KCNQ3: variants seen among roughly 807,000 people sequenced by gnomAD.
KCNQ3 encodes potassium voltage-gated channel subfamily Q member 3.
A neutral mutation model predicts 92.5 loss-of-function variants in KCNQ3; 30 were observed. The ratio of observed to expected loss-of-function variants is 0.32; its 90% CI spans 0.24 to 0.44. The LOEUF is 0.44. Ranked by LOEUF, KCNQ3 falls within the 20% of genes least tolerant of loss-of-function variation. The pLI is 1.00. For synonymous variants in KCNQ3, 450 were observed against 468.8 expected, an observed-to-expected ratio of 0.96 and a Z score of 0.52; for missense variants, 913 against 1,140.3, an observed-to-expected ratio of 0.80 and a Z score of 2.87.
At chr8:132,298,978 A>G (rs1185649285) in intron 1 of KCNQ3, among the ~76,000 whole-genome samples, 1 of 152,136 alleles carries the variant, frequency 6.6e-6, no homozygotes, top group Non-Finnish European at 1.5e-5. Flanking sequence ...AATTATTTTC[A>G]GGTGGAAATA....
At chr8:132,176,337 G>T (rs1826552272) in intron 4 of KCNQ3, among the ~76,000 whole-genome samples, 1 of 152,160 alleles carries the variant, frequency 6.6e-6, no homozygotes, top group African/African-American at 2.4e-5. Context: ...AAACTTCACT[G>T]AAGTTTCAAA....
chr8:132,303,677 T>TATATATATATATATATATATAC lies in KCNQ3; in HGVS notation c.387-117497_387-117496insGTATATATATATATATATATAT, dbSNP rs376933089. Among the ~76,000 whole-genome samples the TATATATATATATATATATATAC allele has an allele frequency of 8.1e-5, 7 of 85,990 alleles. 2 individuals carry two copies. Among genetic ancestry groups the TATATATATATATATATATATAC allele is most frequent in the African/African-American group, 3.2e-4 (7 of 22,148 alleles). The allele number at this position is 85,990 out of a possible 152,430, so 56.4% of individuals were successfully genotyped here. A position where few individuals can be genotyped will look rare whatever the true frequency, so the allele number is the denominator to read the frequency against. Reference sequence around the variant, plus strand: ...TTTATGGTGTGTGTGTATATATATATACACACACACAGCCACACCACACAC... The same window carrying TATATATATATATATATATATAC: ...TTTATGGTGTGTGTGTATATATATATATATATATATATATATATATACACACACACACAGCCACACCACACAC... On this transcript the variant is annotated intron_variant, in intron 1 of 14. Transcript: ENST00000388996.
At chr8:132,418,796 T>C (rs921798229) in intron 1 of KCNQ3, among the ~76,000 whole-genome samples, 3 of 152,002 alleles carry the variant, frequency 2.0e-5, no homozygotes, top group Non-Finnish European at 4.4e-5. Context: ...AAAAAATAAA[T>C]TAAATAAATT....
rs1824694371 is a variant in KCNQ3 at position 132,127,053 on chromosome 8, C to T, written c.*2209G>A. On this transcript the variant is annotated 3_prime_UTR_variant, in exon 15 of 15. Coordinates refer to ENST00000388996, the MANE Select transcript of KCNQ3 (RefSeq NM_004519.4). ...GGTGATCATCTCAAGTGAAAGATTC[C>T]AGGAAGATCAGGATTCAATAATCAA... 1 of 152,026 alleles carries T rather than the reference C, an allele frequency of 6.6e-6. No homozygotes were observed. Among genetic ancestry groups the T allele is most frequent in the Non-Finnish European group, 1.5e-5 (1 of 68,026 alleles). The allele number at this position is 152,026 out of a possible 1,614,324, so 9.4% of individuals were successfully genotyped here. A position where few individuals can be genotyped will look rare whatever the true frequency, so the allele number is the denominator to read the frequency against.
chr8:132,221,406 GGT>G (rs1563811047), intron 1 of KCNQ3, among the ~76,000 whole-genome samples: 1 of 152,188 alleles, frequency 6.6e-6, no homozygotes, highest in African/African-American at 2.4e-5. Flanking sequence ...CTTCCACAAT[GGT>G]TGAACTAGTT....
At chr8:132,358,494 G>T (rs909425934) in intron 1 of KCNQ3, among the ~76,000 whole-genome samples, 3 of 152,178 alleles carry the variant, frequency 2.0e-5, no homozygotes, top group Non-Finnish European at 4.4e-5. Context: ...GCTGAGACAT[G>T]ACTTTGGCTC....
At chr8:132,302,774 T>G (rs11780080) in intron 1 of KCNQ3, among the ~76,000 whole-genome samples, 77,443 of 151,904 alleles carry the variant, frequency 0.51, 19,946 homozygotes, top group East Asian at 0.68. Context: ...TCATAATGGC[T>G]CTACCTAATT....
At chr8:132,282,866 G>C (rs1251855845) in intron 1 of KCNQ3, among the ~76,000 whole-genome samples, 5 of 152,194 alleles carry the variant, frequency 3.3e-5, no homozygotes, top group Non-Finnish European at 7.3e-5. Context: ...ATGACCACTA[G>C]GGTGCTCAGA....
intron 1 of KCNQ3, among the ~76,000 whole-genome samples, chr8:132,248,334 G>GTA (rs5895135): frequency 0.032 from 4,608 of 144,086 alleles, 103 homozygotes; most frequent in African/African-American, 0.053. Context: ...TAGTCTATAA[G>GTA]TATATATATA....
chr8:132,180,479 C>A (rs751258241), intron 3 of KCNQ3, 150 bp from the exon 4 acceptor site: 99 of 792,306 alleles, frequency 1.2e-4, no homozygotes, highest in Non-Finnish European at 1.9e-4. Flanking sequence ...TTGCCACCAA[C>A]AACACATGGT....
chr8:132,244,161 A>G (rs151168857), intron 1 of KCNQ3, among the ~76,000 whole-genome samples: 24 of 152,344 alleles, frequency 1.6e-4, no homozygotes, highest in African/African-American at 5.8e-4. Context: ...ATGATGATTT[A>G]TCCTCCATAT....
intron 1 of KCNQ3, among the ~76,000 whole-genome samples, chr8:132,302,031 G>T (rs983426783): frequency 2.0e-5 from 3 of 152,216 alleles, no homozygotes; most frequent in Admixed American, 6.5e-5. Flanking sequence ...AGTGGCACTC[G>T]AGTGGGGCTG....
At chr8:132,239,689 C>T (rs575200807) in intron 1 of KCNQ3, among the ~76,000 whole-genome samples, 23 of 152,282 alleles carry the variant, frequency 1.5e-4, no homozygotes, top group Non-Finnish European at 1.6e-4. Context: ...AACCAGACCC[C>T]ATATATGACC....
At chr8:132,157,129 G>A (rs2130045428) in intron 9 of KCNQ3, among the ~76,000 whole-genome samples, 1 of 152,304 alleles carries the variant, frequency 6.6e-6, no homozygotes, top group South Asian at 2.1e-4. Context: ...GTGGCAATTT[G>A]TTATGGCTGC....
At chr8:132,191,680 A>G (rs1470968155) in intron 1 of KCNQ3, among the ~76,000 whole-genome samples, 1 of 151,022 alleles carries the variant, frequency 6.6e-6, no homozygotes, top group Non-Finnish European at 1.5e-5. Flanking sequence ...CTCTATCTCT[A>G]TCTGTAATCT....
At chr8:132,446,817 T>C (rs1411731584) in intron 1 of KCNQ3, among the ~76,000 whole-genome samples, 7 of 152,148 alleles carry the variant, frequency 4.6e-5, no homozygotes, top group Non-Finnish European at 1.5e-5. Context: ...ACCAAAGGCT[T>C]GTTACAAGCA....
intron 1 of KCNQ3, among the ~76,000 whole-genome samples, chr8:132,193,394 T>C (rs1827216908): frequency 6.6e-6 from 1 of 152,164 alleles, no homozygotes; most frequent in Non-Finnish European, 1.5e-5. Flanking sequence ...AAGCGGCAGA[T>C]GCAGGGGCCT....
intron 1 of KCNQ3, among the ~76,000 whole-genome samples, chr8:132,253,379 A>G (rs989493401): frequency 3.9e-5 from 6 of 152,246 alleles, no homozygotes; most frequent in African/African-American, 1.4e-4. Flanking sequence ...CTGAGTTAAG[A>G]TAAACTAACA....
chr8:132,214,142 C>T (rs562309283), intron 1 of KCNQ3, among the ~76,000 whole-genome samples: 2 of 152,318 alleles, frequency 1.3e-5, no homozygotes, highest in East Asian at 1.9e-4. Flanking sequence ...CAAATCACCT[C>T]GGTGCTGTAG....
Sources: gnomAD v4.1 joint callset for allele counts (sites outside exome capture counted in the v4.1 genomes callset) on GRCh38, gnomAD v4.1.1 for gene constraint, MANE v1.5 for transcripts, NCBI Gene and HGNC (gene_info 2026-07-23, HGNC 2026-07-21) for gene names.